The following LUZP2 variants were observed in gnomAD, a reference collection of about 807,000 sequenced individuals.
LUZP2 encodes leucine zipper protein 2.
Under a neutral mutation model 51.6 loss-of-function variants are expected in LUZP2, and 52 were observed. The ratio of observed to expected loss-of-function variants is 1.01; its 90% CI spans 0.81 to 1.27. The LOEUF is 1.27. Ranked by LOEUF, LUZP2 falls within the 50% of genes most tolerant of loss-of-function variation. The pLI is 0.00. For missense variants in LUZP2, 436 were observed against 395.4 expected, an observed-to-expected ratio of 1.10 and a Z score of -0.87; for synonymous variants, 154 against 137.3, an observed-to-expected ratio of 1.12 and a Z score of -0.85.
intron 10 of LUZP2, among the ~76,000 whole-genome samples, chr11:25,076,338 C>A (rs1448452850): frequency 1.3e-5 from 2 of 152,168 alleles, no homozygotes; most frequent in Non-Finnish European, 2.9e-5. Flanking sequence ...AGCCATTTCA[C>A]CTGGCCTAAT....
intron 9 of LUZP2, among the ~76,000 whole-genome samples, chr11:25,000,750 T>A (rs1168226447): frequency 6.6e-6 from 1 of 152,176 alleles, no homozygotes; most frequent in African/African-American, 2.4e-5. Flanking sequence ...AAAGCAGCAG[T>A]CTTCCCCTAA....
At chr11:24,852,571 G>A (rs186183321) in intron 5 of LUZP2, among the ~76,000 whole-genome samples, 5 of 152,038 alleles carry the variant, frequency 3.3e-5, no homozygotes, top group South Asian at 4.2e-4. Flanking sequence ...TGAGAAGAAT[G>A]TATATTCTGT....
At chr11:25,068,862 C>G (rs532720557) in intron 10 of LUZP2, among the ~76,000 whole-genome samples, 2 of 152,038 alleles carry the variant, frequency 1.3e-5, no homozygotes, top group East Asian at 3.9e-4. Context: ...TGATGCATCC[C>G]CCTCACTTAC....
At chr11:24,993,867 G>C (rs1027690853) in intron 9 of LUZP2, among the ~76,000 whole-genome samples, 8 of 151,630 alleles carry the variant, frequency 5.3e-5, no homozygotes, top group South Asian at 2.1e-4. Context: ...TTTTTTTTGG[G>C]GGGGGTGTGG....
At chr11:24,920,833 T>TA (rs1854028297) in intron 7 of LUZP2, among the ~76,000 whole-genome samples, 1 of 152,112 alleles carries the variant, frequency 6.6e-6, no homozygotes, top group Non-Finnish European at 1.5e-5. Context: ...AGAAATTATT[T>TA]AATGTGTATC....
In LUZP2 at chr11:24,918,051, A is replaced by G. The variant is rs184846124; in HGVS notation, c.522+3513A>G. On this transcript the variant is annotated intron_variant, in intron 7 of 11. Coordinates refer to ENST00000336930, the MANE Select transcript of LUZP2 (RefSeq NM_001009909.4). Reference sequence around the variant, plus strand: ...AGTTCTCCTTGAAGAGGTCCTTCACATCCCTTGTAAGTTGGATTCCTAGGT... The same window carrying G: ...AGTTCTCCTTGAAGAGGTCCTTCACGTCCCTTGTAAGTTGGATTCCTAGGT... 9.7e-3 allele frequency among the ~76,000 whole-genome samples: 1,468 copies of G among 152,058 alleles called. 19 individuals carry two copies. Among genetic ancestry groups the G allele is most frequent in the South Asian group, 0.044 (211 of 4,814 alleles).
chr11:24,512,937 T>C (rs973872453), intron 1 of LUZP2, among the ~76,000 whole-genome samples: 34 of 152,204 alleles, frequency 2.2e-4, no homozygotes, highest in African/African-American at 8.2e-4. Flanking sequence ...GTTGTACTTT[T>C]ATTAGAGACT....
chr11:24,739,505 A>G (rs1004472163), intron 4 of LUZP2, among the ~76,000 whole-genome samples: 1 of 152,090 alleles, frequency 6.6e-6, no homozygotes. Flanking sequence ...TGGCTCAAGC[A>G]TATGATTGGG....
intron 5 of LUZP2, among the ~76,000 whole-genome samples, chr11:24,803,560 TA>T (rs1445539331): frequency 4.6e-5 from 7 of 152,116 alleles, no homozygotes; most frequent in South Asian, 4.1e-4. Flanking sequence ...TCACAGCAGC[TA>T]AAATGGGAAA....
intron 4 of LUZP2, among the ~76,000 whole-genome samples, chr11:24,761,281 C>T (rs1590469486): frequency 6.6e-6 from 1 of 152,026 alleles, no homozygotes; most frequent in East Asian, 1.9e-4. Context: ...AGGAGGAAGA[C>T]AGAGAAGGGG....
At chr11:24,650,209 T>C (rs1032447699) in intron 1 of LUZP2, among the ~76,000 whole-genome samples, 1 of 151,966 alleles carries the variant, frequency 6.6e-6, no homozygotes, top group Admixed American at 6.6e-5. Flanking sequence ...ACAGATTCCT[T>C]ATGAACAGAG....
chr11:24,613,630 C>T (rs1285473268), intron 1 of LUZP2, among the ~76,000 whole-genome samples: 1 of 151,362 alleles, frequency 6.6e-6, no homozygotes, highest in Non-Finnish European at 1.5e-5. Context: ...TTAGAATTAG[C>T]TGAATCTACA....
At chr11:24,995,571 GTT>G (rs146154055) in intron 9 of LUZP2, among the ~76,000 whole-genome samples, 1 of 148,062 alleles carries the variant, frequency 6.8e-6, no homozygotes, top group African/African-American at 2.5e-5. Context: ...GCTTTTTAAA[GTT>G]TTTTTTTTCT....
At chr11:24,581,647 G>C (rs927181470) in intron 1 of LUZP2, among the ~76,000 whole-genome samples, 7 of 150,310 alleles carry the variant, frequency 4.7e-5, no homozygotes, top group Admixed American at 1.3e-4. Flanking sequence ...CTCCAGCCTG[G>C]GTGACAGAGT....
At chr11:24,757,053 C>G (rs932923024) in intron 4 of LUZP2, among the ~76,000 whole-genome samples, 14 of 152,118 alleles carry the variant, frequency 9.2e-5, no homozygotes, top group Non-Finnish European at 4.4e-5. Flanking sequence ...ATGGGGCTTC[C>G]ATGCCATCCC....
chr11:24,865,153 T>G (rs186332912), intron 5 of LUZP2, among the ~76,000 whole-genome samples: 1 of 152,312 alleles, frequency 6.6e-6, no homozygotes, highest in East Asian at 1.9e-4. Context: ...CAAGTTGAGT[T>G]TGAATAACAG....
intron 8 of LUZP2, 86 bp downstream of exon 8, chr11:24,976,751 T>G (rs1398477752): frequency 2.9e-6 from 2 of 689,114 alleles, no homozygotes; most frequent in African/African-American, 1.9e-5. Flanking sequence ...GCTCATTGCT[T>G]TTCTTGATTT....
intron 1 of LUZP2, among the ~76,000 whole-genome samples, chr11:24,691,703 G>A (rs914310480): frequency 4.6e-5 from 7 of 152,028 alleles, no homozygotes; most frequent in Non-Finnish European, 5.9e-5. Flanking sequence ...AGATGGACTG[G>A]TGGAAGGAGA....
At chr11:24,619,393 G>C (rs1187152404) in intron 1 of LUZP2, among the ~76,000 whole-genome samples, 1 of 152,082 alleles carries the variant, frequency 6.6e-6, no homozygotes, top group African/African-American at 2.4e-5. Context: ...TGCTGTACTA[G>C]ACTCCCAAAT....
Sources: allele counts gnomAD v4.1 joint callset (sites outside exome capture counted in the v4.1 genomes callset), GRCh38; gene constraint gnomAD v4.1.1; transcripts MANE v1.5; gene names NCBI Gene and HGNC (gene_info 2026-07-23, HGNC 2026-07-21).